SCAI: variants seen among roughly 807,000 people sequenced by gnomAD.
The protein encoded by SCAI is suppressor of cancer cell invasion.
A neutral mutation model predicts 92.2 loss-of-function variants in SCAI; 24 were observed. That is an observed-to-expected ratio of 0.26 (90% CI 0.19 to 0.37). The LOEUF is 0.37. SCAI is among the 10% of genes least tolerant of loss of function. The probability of loss-of-function intolerance (pLI) is 1.00; values close to 1 mark genes in which losing one functional copy is unlikely to be tolerated. For missense variants in SCAI, 450 were observed against 736.2 expected, an observed-to-expected ratio of 0.61 and a Z score of 4.50; for synonymous variants, 261 against 258.6, an observed-to-expected ratio of 1.01 and a Z score of -0.09.
At position 125,066,179 on chromosome 9, in the gene SCAI, G is replaced by C. The variant is rs1833865190; in HGVS notation, c.99-10172C>G. On this transcript the variant is annotated intron_variant, in intron 2 of 17. Coordinates refer to ENST00000336505, the MANE Select transcript of SCAI (RefSeq NM_001144877.3). Reference sequence around the variant, plus strand: ...ATGTAATTATCAGAATTAACCAGTGGGTTTAGCAAAGTTTCTGGATAAAAG... The same window carrying C: ...ATGTAATTATCAGAATTAACCAGTGCGTTTAGCAAAGTTTCTGGATAAAAG... The C allele has an allele frequency of 7.8e-6, 4 of 515,934 alleles. No individual in the cohort carries two copies. The East Asian group carries it at 1.3e-4, about 17-fold the overall frequency. The allele number at this position is 515,934 out of a possible 1,614,324, so 32.0% of individuals were successfully genotyped here.
chr9:124,954,820 A>G (rs1321603793), intron 17 of SCAI, among the ~76,000 whole-genome samples: 1 of 152,082 alleles, frequency 6.6e-6, no homozygotes, highest in Non-Finnish European at 1.5e-5. Flanking sequence ...GGTATCAAAA[A>G]ATTTGCTTAT....
At chr9:125,019,424 A>T (rs1468381613) in intron 7 of SCAI, among the ~76,000 whole-genome samples, 1 of 152,176 alleles carries the variant, frequency 6.6e-6, no homozygotes, top group Non-Finnish European at 1.5e-5. Context: ...CTTTACAGAG[A>T]TCTACTTCCT....
chr9:125,001,403 A>G (rs1242695734), intron 12 of SCAI, among the ~76,000 whole-genome samples: 1 of 152,242 alleles, frequency 6.6e-6, no homozygotes, highest in African/African-American at 2.4e-5. Flanking sequence ...TATGTTCTGG[A>G]CAGTGTTACG....
chr9:125,063,555 T>C (rs1297610864), intron 2 of SCAI, among the ~76,000 whole-genome samples: 2 of 151,996 alleles, frequency 1.3e-5, no homozygotes, highest in African/African-American at 4.8e-5. Flanking sequence ...AAAAAACTGA[T>C]ACATGAGTAA....
chr9:124,966,632 A>G (rs556886977), intron 17 of SCAI, among the ~76,000 whole-genome samples: 1 of 152,022 alleles, frequency 6.6e-6, no homozygotes, highest in African/African-American at 2.4e-5. Context: ...AATTTATTCA[A>G]TATTTCTTTT....
At chr9:124,968,878 G>A (rs1311225438) in intron 17 of SCAI, 4 of 536,158 alleles carry the variant, frequency 7.5e-6, no homozygotes, top group Non-Finnish European at 1.3e-5. Context: ...AATATTCCTA[G>A]GCTATGTAGT....
intron 2 of SCAI, among the ~76,000 whole-genome samples, chr9:125,129,356 G>A (rs772205545): frequency 5.3e-5 from 8 of 150,474 alleles, no homozygotes; most frequent in Non-Finnish European, 1.2e-4. Flanking sequence ...CAGGAGAATC[G>A]CTTGAACCCA....
At chr9:125,128,228 G>A (rs1008751918) in intron 2 of SCAI, among the ~76,000 whole-genome samples, 4 of 151,878 alleles carry the variant, frequency 2.6e-5, no homozygotes, top group African/African-American at 9.7e-5. Context: ...GAGGTGGGAG[G>A]ACTGCTTGAG....
chr9:125,055,887 G>T lies in SCAI; in HGVS notation c.219C>A (p.Phe73Leu). The change falls in exon 3 of 18, where the codon TTC (phenylalanine) becomes TTA (leucine). Residue 73 changes from phenylalanine (F) to leucine (L), a missense_variant. Physicochemically the swap from Phe to Leu is conservative, Grantham distance 22. This residue lies in a region of SCAI where 20 missense variants were observed against 68.2 expected (regional missense o/e 0.29). Transcript: ENST00000336505. ...CYLLDKSKQL[F>L]NGLRDLPQYG... ...AAGAGTCCACTCACCTTAACCCATT[G>T]AACAGTTGCTTAGATTTATCCAGAA... is the stretch of plus-strand genomic sequence containing the variant. The T allele has an allele frequency of 6.2e-7, 1 of 1,611,110 alleles. No individual in the cohort carries two copies. The highest frequency in any genetic ancestry group is 1.1e-5 in the South Asian group (1 of 90,286).
At chr9:125,072,584 A>G (rs1009470868) in intron 2 of SCAI, among the ~76,000 whole-genome samples, 4 of 152,170 alleles carry the variant, frequency 2.6e-5, no homozygotes, top group African/African-American at 9.7e-5. Context: ...TGTACAGTTC[A>G]GTGGTATTGA....
intron 3 of SCAI, among the ~76,000 whole-genome samples, chr9:125,040,658 ACT>A (rs1833301386): frequency 6.6e-6 from 1 of 151,846 alleles, no homozygotes; most frequent in South Asian, 2.1e-4. Context: ...ACAGAGTCTC[ACT>A]CTGTCACCCA....
chr9:125,054,137 G>A (rs1314463122), intron 3 of SCAI, among the ~76,000 whole-genome samples: 7 of 152,080 alleles, frequency 4.6e-5, no homozygotes, highest in African/African-American at 1.7e-4. Context: ...ACCATATCCA[G>A]CTAATTTTTT....
Position 124,962,665 on chromosome 9 carries a change from C to T in SCAI, c.1674+8705G>A, listed in dbSNP as rs577643074. ...ATGGCATGCAACCACAATGGCAAAC[C>T]TTGATCTATGGTACATATCAAGCAA... On this transcript the variant is annotated intron_variant, in intron 17 of 17. Transcript: ENST00000336505. Among the ~76,000 whole-genome samples the T allele has an allele frequency of 1.3e-3, 193 of 152,228 alleles. 1 individual carries two copies. The highest frequency in any genetic ancestry group is 1.6e-3 in the Non-Finnish European group (106 of 68,008).
intron 2 of SCAI, among the ~76,000 whole-genome samples, chr9:125,110,815 G>A (rs1440589660): frequency 6.6e-6 from 1 of 152,120 alleles, no homozygotes; most frequent in African/African-American, 2.4e-5. Flanking sequence ...GGACTAATAT[G>A]GTTCTGCTCC....
intron 17 of SCAI, among the ~76,000 whole-genome samples, chr9:124,964,400 C>T (rs1173738547): frequency 6.6e-6 from 1 of 152,214 alleles, no homozygotes; most frequent in Admixed American, 6.5e-5. Context: ...CACAAATCCT[C>T]TGAAGTCATG....
intron 14 of SCAI, among the ~76,000 whole-genome samples, chr9:124,990,411 C>T (rs1254898259): frequency 6.6e-6 from 1 of 152,134 alleles, no homozygotes; most frequent in Non-Finnish European, 1.5e-5. Context: ...ATCGCTTGAA[C>T]CCAGGAGGCG....
At chr9:124,959,085 G>C (rs1831380258) in intron 17 of SCAI, among the ~76,000 whole-genome samples, 1 of 151,302 alleles carries the variant, frequency 6.6e-6, no homozygotes, top group Admixed American at 6.6e-5. Flanking sequence ...TAAGAATTTT[G>C]TTCCCCTTCC....
At chr9:124,960,707 A>G (rs1451646839) in intron 17 of SCAI, among the ~76,000 whole-genome samples, 1 of 152,204 alleles carries the variant, frequency 6.6e-6, no homozygotes, top group Non-Finnish European at 1.5e-5. Context: ...AACAATCTGG[A>G]ATGATGCTAT....
intron 2 of SCAI, among the ~76,000 whole-genome samples, chr9:125,109,148 G>A (rs1273295181): frequency 6.6e-6 from 1 of 152,156 alleles, no homozygotes; most frequent in Non-Finnish European, 1.5e-5. Context: ...TTAAACAGAT[G>A]CTTGAAGGCA....
Sources: allele counts gnomAD v4.1 joint callset (sites outside exome capture counted in the v4.1 genomes callset), GRCh38; gene constraint gnomAD v4.1.1; regional missense constraint gnomAD v4.1.1; transcripts MANE v1.5; gene names NCBI Gene and HGNC (gene_info 2026-07-23, HGNC 2026-07-21).